Variants in NR4A1 observed in about 807,000 individuals in gnomAD.
The protein encoded by NR4A1 is nuclear receptor subfamily 4immunitygroup A member 1.
Under a neutral mutation model 47.5 loss-of-function variants are expected in NR4A1, and 24 were observed. The observed-to-expected ratio is 0.50, with a 90% confidence interval of 0.37 to 0.71. The LOEUF is 0.71. Ranked by LOEUF, NR4A1 falls within the 30% of genes least tolerant of loss-of-function variation. The pLI, the probability that NR4A1 is intolerant of heterozygous loss-of-function variation, is 0.00. For synonymous variants in NR4A1, 353 were observed against 345.7 expected, an observed-to-expected ratio of 1.02 and a Z score of -0.24; for missense variants, 669 against 788.6, an observed-to-expected ratio of 0.85 and a Z score of 1.82.
chr12:52,046,027 C>T (rs1487494559), intron 2 of NR4A1, among the ~76,000 whole-genome samples: 1 of 152,216 alleles, frequency 6.6e-6, no homozygotes, highest in Admixed American at 6.5e-5. Context: ...CACTTCTGAG[C>T]TGGAGAAGGC....
At chr12:52,051,722 G>A (rs913174972) in intron 1 of NR4A1, 154 bp downstream of exon 1, 1 of 439,148 alleles carries the variant, frequency 2.3e-6, no homozygotes, top group Non-Finnish European at 3.0e-6. Context: ...ACCCAGGTCA[G>A]ACTGGAAACT....
At chr12:52,028,691 G>A (rs1938053625) in intron 1 of NR4A1, among the ~76,000 whole-genome samples, 3 of 151,906 alleles carry the variant, frequency 2.0e-5, no homozygotes, top group Admixed American at 6.6e-5. Context: ...GGATTACGAG[G>A]TCAGGAGTTC....
At chr12:52,027,161 C>T (rs769806853) in intron 1 of NR4A1, among the ~76,000 whole-genome samples, 30 of 152,228 alleles carry the variant, frequency 2.0e-4, no homozygotes, top group Non-Finnish European at 3.8e-4. Context: ...CACAAGTGCC[C>T]CTTAGCCCAG....
intron 2 of NR4A1, among the ~76,000 whole-genome samples, chr12:52,044,401 G>T (rs188824891): frequency 1.1e-3 from 173 of 152,328 alleles, no homozygotes; most frequent in African/African-American, 4.0e-3. Flanking sequence ...TTGGGTGCCT[G>T]AGAAGCAGAG....
chr12:52,057,670 C>A, intron 6 of NR4A1, 140 bp downstream of exon 6: 1 of 925,656 alleles, frequency 1.1e-6, no homozygotes, highest in Non-Finnish European at 1.6e-6. Context: ...GGGCTCATGC[C>A]AGCAGTAAAG....
At chr12:52,043,592 T>G in intron 2 of NR4A1, 5 of 807,662 alleles carry the variant, frequency 6.2e-6, no homozygotes, top group Non-Finnish European at 6.7e-6. Flanking sequence ...CTGACTATTT[T>G]GGGCTCTTGC....
At position 52,054,949 on chromosome 12, in the gene NR4A1, G is replaced by C. The variant is rs140048797; in HGVS notation, c.621G>C (p.Leu207=). The change falls in exon 2 of 7, where the codon CTG becomes CTC. Residue 207 remains leucine (L), a synonymous_variant. Transcript: ENST00000394825. ...GCCCCAGCCTGGCCCAGAGCCCCCTGAAGTTGTTCCCCTCACAGGCCACCC... is the reference window on the plus strand; with the variant it reads ...GCCCCAGCCTGGCCCAGAGCCCCCTCAAGTTGTTCCCCTCACAGGCCACCC... ...GPSPSLAQSP[L]KLFPSQATHQ... 6.2e-7 allele frequency: 1 copy of C among 1,614,072 alleles called. No individual in the cohort carries two copies. The highest frequency in any genetic ancestry group is 1.3e-5 in the African/African-American group (1 of 74,932).
chr12:52,043,490 A>T (rs1237913016), intron 2 of NR4A1: 5 of 267,838 alleles, frequency 1.9e-5, no homozygotes, highest in Non-Finnish European at 2.9e-5. Flanking sequence ...GGGCCCCATG[A>T]GTGCTAGAGC....
At chr12:52,052,778 A>T (rs548330860) in intron 1 of NR4A1, 1 of 557,278 alleles carries the variant, frequency 1.8e-6, no homozygotes, top group South Asian at 7.8e-5. Context: ...AGTTCTGCCC[A>T]ACTGCTGTCT....
chr12:52,054,953 T>C lies in NR4A1; in HGVS notation c.625T>C (p.Leu209=), dbSNP rs1186564465. 3 of 1,614,094 alleles carry C rather than the reference T, an allele frequency of 1.9e-6. No individual in the cohort carries two copies. Among genetic ancestry groups the C allele is most frequent in the Non-Finnish European group, 2.5e-6 (3 of 1,180,020 alleles). ...SPSLAQSPLK[L]FPSQATHQLG... is the part of the protein sequence containing the mutation. Reference sequence around the variant, plus strand: ...CAGCCTGGCCCAGAGCCCCCTGAAGTTGTTCCCCTCACAGGCCACCCACCA... The same window carrying C: ...CAGCCTGGCCCAGAGCCCCCTGAAGCTGTTCCCCTCACAGGCCACCCACCA... The change falls in exon 2 of 7, where the codon TTG becomes CTG. Residue 209 remains leucine, a synonymous_variant. Coordinates refer to ENST00000394825, the MANE Select transcript of NR4A1 (RefSeq NM_173157.3).
chr12:52,036,929 G>C (rs1282198095), intron 1 of NR4A1, among the ~76,000 whole-genome samples: 5 of 152,178 alleles, frequency 3.3e-5, no homozygotes. Context: ...GCGAGACCTC[G>C]GCACCCTCAC....
chr12:52,023,683 G>T (rs1280121211), intron 1 of NR4A1, among the ~76,000 whole-genome samples: 1 of 151,020 alleles, frequency 6.6e-6, no homozygotes, highest in Non-Finnish European at 1.5e-5. Flanking sequence ...CTTCTGCCCC[G>T]GCCCAGCCCC....
chr12:52,057,792 T>G lies in NR4A1; in HGVS notation c.1540+262T>G, dbSNP rs77857265. 1.9e-3 allele frequency among the ~76,000 whole-genome samples: 282 copies of G among 152,364 alleles called. 3 individuals carry two copies. Among genetic ancestry groups the G allele is most frequent in the African/African-American group, 6.6e-3 (275 of 41,586 alleles). On this transcript the variant is annotated intron_variant, in intron 6 of 6. Coordinates refer to ENST00000394825, the MANE Select transcript of NR4A1 (RefSeq NM_173157.3). The stretch of plus-strand genomic sequence containing the variant: ...GACTGCAGGTGTCATGTATGTGGCC[T>G]AGGGTATTGGCTTGTTTTTAAAACC...
At chr12:52,047,290 T>C (rs1938685645), upstream of NR4A1, among the ~76,000 whole-genome samples, 1 of 152,280 alleles carries the variant, frequency 6.6e-6, no homozygotes, top group Admixed American at 6.5e-5. Context: ...CCTCCCAAAG[T>C]CCACGTCAAT....
At position 52,054,400 on chromosome 12, in the gene NR4A1, C is replaced by T. The variant is rs61734311; in HGVS notation, c.72C>T (p.Asp24=). ...GACCCCGTGACCACCTGGCAAGCGACCCCCTGACCCCTGAGTTCATCAAGC... is the reference window on the plus strand; with the variant it reads ...GACCCCGTGACCACCTGGCAAGCGATCCCCTGACCCCTGAGTTCATCAAGC... The part of the protein sequence containing the change: ...SPGPRDHLAS[D]PLTPEFIKPT... Residue 24 remains aspartate (D), a synonymous_variant, in exon 2 of 7, where the codon GAC becomes GAT. Coordinates refer to ENST00000394825, the MANE Select transcript of NR4A1 (RefSeq NM_173157.3). The T allele has an allele frequency of 5.3e-4, 856 of 1,613,588 alleles. 4 individuals carry two copies. In the African/African-American group the frequency reaches 0.011, roughly 20 times the overall value.
chr12:52,058,547 C>T (rs1939389691), intron 6 of NR4A1, 141 bp from the exon 7 acceptor site: 1 of 1,114,508 alleles, frequency 9.0e-7, no homozygotes, highest in Admixed American at 3.0e-5. Context: ...TTACTAATGG[C>T]CAACATGTGA....
At chr12:52,055,739 G>T (rs925023844) in intron 2 of NR4A1, 6 of 332,306 alleles carry the variant, frequency 1.8e-5, no homozygotes, top group African/African-American at 1.1e-4. Flanking sequence ...GTGGACAAGG[G>T]CCCATGAAAA....
Position 52,058,518 on chromosome 12 carries a change from C to G in NR4A1, c.1541-170C>G, listed in dbSNP as rs1939387840. On this transcript the variant is annotated intron_variant, in intron 6 of 6. Coordinates refer to ENST00000394825, the MANE Select transcript of NR4A1 (RefSeq NM_173157.3). The stretch of plus-strand genomic sequence containing the variant: ...ATGAGGATAATGAGGGTTACTGCTT[C>G]TCAGACTTGTGACGATGCTTACTAA... The G allele has an allele frequency of 4.5e-6, 4 of 881,284 alleles. No homozygotes were observed. In the South Asian group the frequency reaches 7.3e-5, roughly 16 times the overall value. The allele number at this position is 881,284 out of a possible 1,614,324, so 54.6% of individuals were successfully genotyped here.
chr12:52,056,677 G>C (rs964346366), intron 4 of NR4A1, 32 bp downstream of exon 4: 9 of 1,534,372 alleles, frequency 5.9e-6, no homozygotes, highest in Non-Finnish European at 7.0e-6. Context: ...GCCTTGGGGA[G>C]GTCTATGAGC....
Sources: allele counts gnomAD v4.1 joint callset (sites outside exome capture counted in the v4.1 genomes callset), GRCh38; gene constraint gnomAD v4.1.1; transcripts MANE v1.5; gene names NCBI Gene and HGNC (gene_info 2026-07-23, HGNC 2026-07-21).